The following PLA2G2C variants were observed in gnomAD, a reference collection of about 807,000 sequenced individuals.
PLA2G2C encodes phospholipase A2 group IIC.
In PLA2G2C, 15 loss-of-function variants were observed where a neutral mutation model predicts 14.3. That is an observed-to-expected ratio of 1.05 (90% CI 0.70 to 1.62). The LOEUF (loss-of-function observed/expected upper bound fraction) is 1.62, where lower values mean the gene tolerates loss of function less well. PLA2G2C is among the 40% of genes most tolerant of loss of function. The probability of loss-of-function intolerance (pLI) is 0.00; values close to 1 mark genes in which losing one functional copy is unlikely to be tolerated. For synonymous variants in PLA2G2C, 79 were observed against 67.7 expected, an observed-to-expected ratio of 1.17 and a Z score of -0.82; for missense variants, 162 against 173.2, an observed-to-expected ratio of 0.94 and a Z score of 0.36.
chr1:20,166,023 G>C (rs1302207440), intron 4 of PLA2G2C, among the ~76,000 whole-genome samples: 2 of 152,234 alleles, frequency 1.3e-5, no homozygotes, highest in Non-Finnish European at 2.9e-5. Context: ...ACATGACACT[G>C]TCCCATTCCT....
chr1:20,166,463 C>A (rs1457613923), intron 4 of PLA2G2C, among the ~76,000 whole-genome samples: 1 of 152,182 alleles, frequency 6.6e-6, no homozygotes, highest in Non-Finnish European at 1.5e-5. Context: ...TGCATCAAGC[C>A]CAGCTCCCCA....
chr1:20,169,557 A>AG (rs2018035270), intron 4 of PLA2G2C, among the ~76,000 whole-genome samples: 2 of 152,198 alleles, frequency 1.3e-5, no homozygotes, highest in African/African-American at 4.8e-5. Flanking sequence ...TCTTCAAAGA[A>AG]ACAGTAATAA....
rs556714289 is a variant in PLA2G2C at position 20,178,428 on chromosome 1, T to C, written c.-76-989A>G. Among the ~76,000 whole-genome samples the C allele has an allele frequency of 2.6e-5, 4 of 152,340 alleles. 1 individual carries two copies. In the East Asian group the frequency reaches 5.8e-4, roughly 22 times the overall value. On this transcript the variant is annotated intron_variant, in intron 1 of 4. Coordinates refer to ENST00000679259, the MANE Select transcript of PLA2G2C (RefSeq NM_001367969.2). The stretch of plus-strand genomic sequence containing the variant: ...AAAGCTTCCAAGGAAAACTTCAAAA[T>C]GACCATCCTGCTGCAGATCCCTGGG...
chr1:20,163,845 G>A lies in PLA2G2C; in HGVS notation c.*146C>T. ...GACAGGGAGTCCCCTTGGTCAGAAT[G>A]CTGAAGGGTGAGCTGCCCTGCGGGA... On this transcript the variant is annotated 3_prime_UTR_variant, in exon 5 of 5. Transcript: ENST00000679259. 1.1e-6 allele frequency: 1 copy of A among 894,800 alleles called. No individual in the cohort carries two copies. 55.4% of individuals were successfully genotyped at this position (894,800 alleles called of 1,614,324 possible). A position where few individuals can be genotyped will look rare whatever the true frequency, so the allele number is the denominator to read the frequency against.
intron 1 of PLA2G2C, among the ~76,000 whole-genome samples, chr1:20,181,240 A>G (rs1569939346): frequency 6.6e-6 from 1 of 152,280 alleles, no homozygotes. Context: ...GCATGAATGA[A>G]TGAGTGAATG....
chr1:20,173,950 G>T (rs59339597), intron 3 of PLA2G2C, among the ~76,000 whole-genome samples: 39,304 of 152,036 alleles, frequency 0.26, 5,422 homozygotes, highest in African/African-American at 0.31. Flanking sequence ...GCAAATTCTC[G>T]TTCAATCCTA....
At chr1:20,174,511 A>G (rs1442759336) in intron 3 of PLA2G2C, among the ~76,000 whole-genome samples, 1 of 152,198 alleles carries the variant, frequency 6.6e-6, no homozygotes, top group Non-Finnish European at 1.5e-5. Context: ...AATTAGGACT[A>G]GTGAGTCAGT....
At chr1:20,172,479 T>C (rs554338992) in intron 4 of PLA2G2C, among the ~76,000 whole-genome samples, 6 of 152,254 alleles carry the variant, frequency 3.9e-5, no homozygotes, top group African/African-American at 1.4e-4. Context: ...AGGAAACATG[T>C]TCTCAACAGC....
chr1:20,174,628 CAG>C (rs2018146436), intron 3 of PLA2G2C, among the ~76,000 whole-genome samples: 1 of 152,216 alleles, frequency 6.6e-6, no homozygotes, highest in Non-Finnish European at 1.5e-5. Context: ...GGCATAATTG[CAG>C]AGACTAAAGC....
intron 4 of PLA2G2C, among the ~76,000 whole-genome samples, chr1:20,168,498 C>T (rs1278557119): frequency 1.3e-5 from 2 of 152,142 alleles, no homozygotes; most frequent in African/African-American, 4.8e-5. Flanking sequence ...CACACAGACA[C>T]AGAGAAGTAA....
intron 2 of PLA2G2C, among the ~76,000 whole-genome samples, chr1:20,176,510 C>T (rs573584927): frequency 2.6e-5 from 4 of 152,330 alleles, no homozygotes; most frequent in Admixed American, 6.5e-5. Flanking sequence ...ATCTCACTAT[C>T]GTGTTCAGTC....
rs187363571 is a variant in PLA2G2C at position 20,180,717 on chromosome 1, C to T, written c.-76-3278G>A. On this transcript the variant is annotated intron_variant, in intron 1 of 4. Coordinates refer to ENST00000679259, the MANE Select transcript of PLA2G2C (RefSeq NM_001367969.2). ...TTGACAAGTCATTTGGGGCTGCCTACGATTGTGCTGAAGCTAAAGCAAGAG... is the reference window on the plus strand; with the variant it reads ...TTGACAAGTCATTTGGGGCTGCCTATGATTGTGCTGAAGCTAAAGCAAGAG... Among the ~76,000 whole-genome samples the T allele has an allele frequency of 7.9e-5, 12 of 152,320 alleles. No individual in the cohort carries two copies. The East Asian group carries it at 2.3e-3, about 29-fold the overall frequency.
chr1:20,172,413 A>G (rs538929651), intron 4 of PLA2G2C, among the ~76,000 whole-genome samples: 9 of 152,312 alleles, frequency 5.9e-5, no homozygotes, highest in African/African-American at 1.9e-4. Flanking sequence ...CCCTTAATAA[A>G]TATTTGTCCA....
At chr1:20,178,575 G>A (rs1053340087) in intron 1 of PLA2G2C, among the ~76,000 whole-genome samples, 4 of 152,180 alleles carry the variant, frequency 2.6e-5, no homozygotes, top group Admixed American at 2.6e-4. Flanking sequence ...TGTGCGGGAT[G>A]TTTTTTAATT....
intron 1 of PLA2G2C, among the ~76,000 whole-genome samples, chr1:20,181,083 C>T (rs1056912157): frequency 6.6e-6 from 1 of 152,220 alleles, no homozygotes; most frequent in African/African-American, 2.4e-5. Flanking sequence ...ATATATCACA[C>T]TTATGCCTTG....
rs536901578 is a variant in PLA2G2C, at chr1:20,177,006, A to C, written c.40+318T>G. Among the ~76,000 whole-genome samples the C allele has an allele frequency of 3.9e-5, 6 of 152,316 alleles. No homozygotes were observed. The East Asian group carries it at 9.7e-4, about 25-fold the overall frequency. ...TTTGTTCTGAATCCAAATGGCCTTAAATAAAGGCTACTAGCATCCAAAGGA... is the reference window on the plus strand; with the variant it reads ...TTTGTTCTGAATCCAAATGGCCTTACATAAAGGCTACTAGCATCCAAAGGA... On this transcript the variant is annotated intron_variant, in intron 2 of 4. Coordinates refer to ENST00000679259, the MANE Select transcript of PLA2G2C (RefSeq NM_001367969.2).
chr1:20,172,417 T>A (rs2018100002), intron 4 of PLA2G2C, among the ~76,000 whole-genome samples: 2 of 152,196 alleles, frequency 1.3e-5, no homozygotes, highest in South Asian at 4.1e-4. Flanking sequence ...TAATAAATAT[T>A]TGTCCAACTG....
Position 20,163,758 on chromosome 1 carries a change from G to A in PLA2G2C, c.*233C>T, listed in dbSNP as rs2017910171. The A allele has an allele frequency of 7.7e-6, 4 of 522,866 alleles. No homozygotes were observed. The highest frequency in any genetic ancestry group is 1.9e-5 in the African/African-American group (1 of 52,076). 32.4% of individuals were successfully genotyped at this position (522,866 alleles called of 1,614,324 possible). A position where few individuals can be genotyped will look rare whatever the true frequency, so the allele number is the denominator to read the frequency against. ...GTCCTCCCCACTCCACAGAATGCCA[G>A]CTCCTGCAGGGCAGGCATCTCATCT... On this transcript the variant is annotated 3_prime_UTR_variant, in exon 5 of 5. Transcript: ENST00000679259.
intron 2 of PLA2G2C, among the ~76,000 whole-genome samples, chr1:20,176,498 C>T (rs1043641081): frequency 3.3e-5 from 5 of 152,306 alleles, no homozygotes; most frequent in East Asian, 1.9e-4. Context: ...CAGGTGCCTT[C>T]GATCTCACTA....
Sources: allele counts gnomAD v4.1 joint callset (sites outside exome capture counted in the v4.1 genomes callset), GRCh38; gene constraint gnomAD v4.1.1; transcripts MANE v1.5; gene names NCBI Gene and HGNC (gene_info 2026-07-23, HGNC 2026-07-21).